C1orf21: variants seen among roughly 807,000 people sequenced by gnomAD.
C1orf21 encodes chromosome 1 open reading frame 21, also known as uncharacterized protein C1orf21.
C1orf21 carries 3 observed loss-of-function variants against 18.7 expected under a neutral mutation model. That is an observed-to-expected ratio of 0.16 (90% CI 0.07 to 0.42). C1orf21 has a LOEUF of 0.42. C1orf21 is among the 10% of genes least tolerant of loss of function. C1orf21 has a pLI of 0.99. For synonymous variants in C1orf21, 41 were observed against 46.4 expected (o/e 0.88, Z 0.47); for missense variants, 104 against 143.6 (o/e 0.72, Z 1.41).
chr1:184,507,234 A>T (rs1460761314), intron 2 of C1orf21, among the ~76,000 whole-genome samples: 1 of 152,150 alleles, frequency 6.6e-6, no homozygotes, highest in Admixed American at 6.6e-5. Flanking sequence ...ATTCTCTTGA[A>T]TCTTATCAGA....
intron 1 of C1orf21, among the ~76,000 whole-genome samples, chr1:184,432,627 C>G (rs1656783358): frequency 6.6e-6 from 1 of 151,774 alleles, no homozygotes; most frequent in Non-Finnish European, 1.5e-5. Context: ...TGTAACAAAC[C>G]TGCACGTTCT....
chr1:184,413,095 A>G (rs1656383329), intron 1 of C1orf21, among the ~76,000 whole-genome samples: 1 of 152,238 alleles, frequency 6.6e-6, no homozygotes, highest in Non-Finnish European at 1.5e-5. Context: ...AAGAGCAAGT[A>G]AAGGAAACCT....
intron 3 of C1orf21, among the ~76,000 whole-genome samples, chr1:184,511,589 A>C (rs565354467): frequency 1.3e-5 from 2 of 152,218 alleles, no homozygotes; most frequent in South Asian, 4.1e-4. Context: ...ATGAATAGGC[A>C]TAGTTGGGCC....
chr1:184,601,922 A>C (rs1286618739), intron 5 of C1orf21, among the ~76,000 whole-genome samples: 1 of 152,074 alleles, frequency 6.6e-6, no homozygotes, highest in Non-Finnish European at 1.5e-5. Context: ...TAATAAAATA[A>C]AATAAGATTC....
At chr1:184,537,941 A>G (rs1185796960) in intron 3 of C1orf21, among the ~76,000 whole-genome samples, 4 of 152,090 alleles carry the variant, frequency 2.6e-5, no homozygotes, top group Admixed American at 1.3e-4. Context: ...GAGCTACCGC[A>G]CCTAGACCCT....
intron 2 of C1orf21, among the ~76,000 whole-genome samples, chr1:184,504,323 C>G (rs1181697778): frequency 7.3e-6 from 1 of 136,540 alleles, no homozygotes; most frequent in African/African-American, 2.9e-5. Flanking sequence ...CCCTTCTCTT[C>G]CTCGAGTTGG....
intron 3 of C1orf21, among the ~76,000 whole-genome samples, chr1:184,544,055 C>T (rs1215098325): frequency 6.6e-6 from 1 of 152,130 alleles, no homozygotes. Context: ...ACTTCTGGTT[C>T]AGCAACATTA....
At position 184,625,221 on chromosome 1, in the gene C1orf21, A is replaced by G. The variant is rs1334050003; in HGVS notation, c.*5665A>G. 1 of 152,278 alleles carries G rather than the reference A, an allele frequency of 6.6e-6. No homozygotes were observed. The highest frequency in any genetic ancestry group is 2.1e-4 in the South Asian group (1 of 4,832). 9.4% of individuals were successfully genotyped at this position (152,278 alleles called of 1,614,324 possible). A position where few individuals can be genotyped will look rare whatever the true frequency, so the allele number is the denominator to read the frequency against. On this transcript the variant is annotated 3_prime_UTR_variant, in exon 6 of 6. Coordinates refer to ENST00000235307, the MANE Select transcript of C1orf21 (RefSeq NM_030806.4). ...ATTTGATTGAGTAAGACTTAGAGGCAGTATAAAGAACACCATAAACTTAGG... is the reference window on the plus strand; with the variant it reads ...ATTTGATTGAGTAAGACTTAGAGGCGGTATAAAGAACACCATAAACTTAGG...
At position 184,505,324 on chromosome 1, in the gene C1orf21, TATATATATATATATATAC is replaced by T. The variant is rs997210312; in HGVS notation, c.95-2262_95-2245del. Among the ~76,000 whole-genome samples the T allele has an allele frequency of 1.5e-4, 19 of 130,692 alleles. 2 individuals carry two copies. Among genetic ancestry groups the T allele is most frequent in the Admixed American group, 2.2e-4 (3 of 13,736 alleles). 85.7% of individuals were successfully genotyped at this position (130,692 alleles called of 152,430 possible). The stretch of plus-strand genomic sequence containing the variant: ...ATAAAGAAATATATATATATATATA[TATATATATATATATATAC>T]ACACATGCCATATATATATAGACAT... On this transcript the variant is annotated intron_variant, in intron 2 of 5. Transcript: ENST00000235307.
intron 2 of C1orf21, among the ~76,000 whole-genome samples, chr1:184,502,380 C>T (rs1487625059): frequency 6.6e-6 from 1 of 152,060 alleles, no homozygotes; most frequent in Non-Finnish European, 1.5e-5. Context: ...TTCCAAAGGC[C>T]CCACCTCTCA....
chr1:184,410,661 A>T (rs867611343), intron 1 of C1orf21, among the ~76,000 whole-genome samples: 1,461 of 6,090 alleles, frequency 0.24, 355 homozygotes, highest in African/African-American at 0.39. Context: ...ATATATATAT[A>T]TATTTTTTTT....
intron 3 of C1orf21, among the ~76,000 whole-genome samples, chr1:184,576,086 T>C (rs758956184): frequency 3.9e-5 from 6 of 152,066 alleles, no homozygotes; most frequent in Non-Finnish European, 8.8e-5. Flanking sequence ...ACATATCACT[T>C]TTCTGCAGAG....
At chr1:184,584,133 CTTTTTTTTT>C (rs386368968) in intron 3 of C1orf21, among the ~76,000 whole-genome samples, 3 of 113,276 alleles carry the variant, frequency 2.6e-5, no homozygotes, top group Non-Finnish European at 3.5e-5. Flanking sequence ...TGTTCTTCTT[CTTTTTTTTT>C]TTTTTTTTTT....
chr1:184,445,350 C>T (rs1488237803), intron 1 of C1orf21, among the ~76,000 whole-genome samples: 1 of 151,222 alleles, frequency 6.6e-6, no homozygotes. Flanking sequence ...AGACCTCTCT[C>T]TCTCTCTCTC....
intron 3 of C1orf21, among the ~76,000 whole-genome samples, chr1:184,540,855 T>TA (rs1307594335): frequency 6.6e-6 from 1 of 152,262 alleles, no homozygotes; most frequent in East Asian, 1.9e-4. Flanking sequence ...ACAAATAGCG[T>TA]AAATGCCATC....
intron 2 of C1orf21, among the ~76,000 whole-genome samples, chr1:184,495,030 A>T (rs4651211): frequency 0.52 from 78,910 of 152,004 alleles, 20,813 homozygotes; most frequent in African/African-American, 0.63. Flanking sequence ...GTTCATCTGC[A>T]CAGCATGTCA....
intron 3 of C1orf21, among the ~76,000 whole-genome samples, chr1:184,570,534 A>G (rs1172665295): frequency 6.6e-6 from 1 of 152,242 alleles, no homozygotes; most frequent in Non-Finnish European, 1.5e-5. Flanking sequence ...ACTTCATTAA[A>G]TGGATTCTGA....
At position 184,602,419 on chromosome 1, in the gene C1orf21, C is replaced by T. The variant is rs140629619; in HGVS notation, c.327+3958C>T. The stretch of plus-strand genomic sequence containing the variant: ...TAAAAACACTGTGAACCAGTGGGAG[C>T]CACCTAATTTCTGTTCACCTCATTA... On this transcript the variant is annotated intron_variant, in intron 5 of 5. Coordinates refer to ENST00000235307, the MANE Select transcript of C1orf21 (RefSeq NM_030806.4). 5.1e-3 allele frequency among the ~76,000 whole-genome samples: 780 copies of T among 152,294 alleles called. 2 individuals are homozygous for T. The highest frequency in any genetic ancestry group is 8.1e-3 in the Non-Finnish European group (548 of 68,026).
At chr1:184,413,706 G>T (rs1000041538) in intron 1 of C1orf21, among the ~76,000 whole-genome samples, 3 of 152,170 alleles carry the variant, frequency 2.0e-5, no homozygotes, top group Admixed American at 2.0e-4. Flanking sequence ...TGACAAGACT[G>T]TCAGCTTTGC....
Sources: allele counts gnomAD v4.1 joint callset (sites outside exome capture counted in the v4.1 genomes callset), GRCh38; gene constraint gnomAD v4.1.1; transcripts MANE v1.5; gene names NCBI Gene and HGNC (gene_info 2026-07-23, HGNC 2026-07-21).